Variants in PTPRD observed in about 807,000 individuals in gnomAD.
PTPRD encodes the protein protein tyrosine phosphatase receptor type D.
In PTPRD, 34 loss-of-function variants were observed where a neutral mutation model predicts 214.5. That is an observed-to-expected ratio of 0.16 (90% CI 0.12 to 0.21). The LOEUF is 0.21. Among genes scored for constraint, PTPRD ranks in the 10% least tolerant of loss-of-function variants. The pLI, the probability that PTPRD is intolerant of heterozygous loss-of-function variation, is 1.00. For missense variants in PTPRD, 2,545 were observed against 2,398.7 expected, an observed-to-expected ratio of 1.06 and a Z score of -1.27; for synonymous variants, 1,128 against 845.7, an observed-to-expected ratio of 1.33 and a Z score of -5.79.
chr9:8,671,597 T>A (rs902908090), intron 12 of PTPRD, among the ~76,000 whole-genome samples: 1 of 152,178 alleles, frequency 6.6e-6, no homozygotes, highest in African/African-American at 2.4e-5. Flanking sequence ...AAATATTTTA[T>A]CTGTAGGAAT....
chr9:8,439,157 G>A (rs2095457605), intron 34 of PTPRD, among the ~76,000 whole-genome samples: 3 of 152,164 alleles, frequency 2.0e-5, no homozygotes, highest in Admixed American at 2.0e-4. Flanking sequence ...AGAAAAGGGA[G>A]GAGAATCTGT....
intron 5 of PTPRD, among the ~76,000 whole-genome samples, chr9:9,812,933 G>C (rs934472762): frequency 3.3e-5 from 5 of 152,084 alleles, no homozygotes; most frequent in Non-Finnish European, 7.4e-5. Flanking sequence ...TATCTTAAAA[G>C]ATACTTGTTA....
At chr9:9,095,182 C>T (rs1271910666) in intron 10 of PTPRD, among the ~76,000 whole-genome samples, 1 of 152,032 alleles carries the variant, frequency 6.6e-6, no homozygotes, top group Non-Finnish European at 1.5e-5. Flanking sequence ...AGATTTTCTT[C>T]CTAAAATCAG....
chr9:9,235,573 A>G (rs2099966099), intron 9 of PTPRD, among the ~76,000 whole-genome samples: 2 of 152,114 alleles, frequency 1.3e-5, no homozygotes, highest in East Asian at 1.9e-4. Context: ...GAGAAAAGGT[A>G]TCACCCCATT....
chr9:8,935,424 A>ATTGAAAAC (rs57045844), intron 11 of PTPRD, among the ~76,000 whole-genome samples: 152,132 of 152,316 alleles, frequency 1, 75,975 homozygotes, highest in Middle Eastern at 1. Flanking sequence ...AGATCTGTAC[A>ATTGAAAAC]TAGAAAACAC....
chr9:10,437,287 A>G (rs576139142), intron 2 of PTPRD, among the ~76,000 whole-genome samples: 110 of 151,992 alleles, frequency 7.2e-4, no homozygotes, highest in African/African-American at 2.6e-3. Context: ...ACCAGCTTCA[A>G]AAATGTTACA....
chr9:9,148,285 C>CT (rs1248639918), intron 10 of PTPRD, among the ~76,000 whole-genome samples: 3 of 151,948 alleles, frequency 2.0e-5, no homozygotes, highest in Non-Finnish European at 2.9e-5. Flanking sequence ...ACATGGCAAC[C>CT]TTTTTTTGGA....
At chr9:8,338,825 G>C (rs567775972) in intron 43 of PTPRD, 97 bp downstream of exon 43, 1 of 1,041,848 alleles carries the variant, frequency 9.6e-7, no homozygotes, top group African/African-American at 1.6e-5. Context: ...TGGGACAACA[G>C]TCAAGTGGCA....
chr9:8,685,617 G>C (rs1489478783), intron 12 of PTPRD, among the ~76,000 whole-genome samples: 1 of 152,122 alleles, frequency 6.6e-6, no homozygotes, highest in African/African-American at 2.4e-5. Context: ...TAAATGGCCT[G>C]TTTTAAAACT....
intron 6 of PTPRD, among the ~76,000 whole-genome samples, chr9:9,753,681 A>G (rs985798726): frequency 4.6e-5 from 7 of 152,034 alleles, no homozygotes; most frequent in Non-Finnish European, 8.8e-5. Flanking sequence ...CCTGGAGGTT[A>G]TCAAAGCCTC....
chr9:10,297,058 C>T (rs1389931315), intron 3 of PTPRD, among the ~76,000 whole-genome samples: 3 of 149,096 alleles, frequency 2.0e-5, no homozygotes, highest in Non-Finnish European at 4.4e-5. Context: ...ATCTGAGTTT[C>T]CAGGGAACAT....
rs2099371814 is a variant in PTPRD at position 10,192,609 on chromosome 9, C to G, written c.-545+148354G>C. Among the ~76,000 whole-genome samples, 3 of 152,176 alleles carry G rather than the reference C, an allele frequency of 2.0e-5. No individual in the cohort carries two copies. The South Asian group carries it at 6.2e-4, about 32-fold the overall frequency. On this transcript the variant is annotated intron_variant, in intron 3 of 45. Coordinates refer to ENST00000381196, the MANE Select transcript of PTPRD (RefSeq NM_002839.4). Reference sequence around the variant, plus strand: ...TGCACTATTCAAATGACTGTGCTCTCAAATTGGGTAAGATTTACATAGGAA... The same window carrying G: ...TGCACTATTCAAATGACTGTGCTCTGAAATTGGGTAAGATTTACATAGGAA...
At chr9:9,336,275 G>A (rs1006828856) in intron 9 of PTPRD, among the ~76,000 whole-genome samples, 2 of 152,252 alleles carry the variant, frequency 1.3e-5, no homozygotes, top group East Asian at 1.9e-4. Context: ...ATGTAGAGAT[G>A]TTGGTCATAC....
intron 9 of PTPRD, among the ~76,000 whole-genome samples, chr9:9,228,043 A>T (rs771549127): frequency 1.3e-5 from 2 of 152,138 alleles, no homozygotes; most frequent in African/African-American, 2.4e-5. Context: ...TGTCTATATC[A>T]TGTCAGTTGG....
At chr9:10,140,633 G>T (rs2098977607) in intron 3 of PTPRD, among the ~76,000 whole-genome samples, 1 of 151,954 alleles carries the variant, frequency 6.6e-6, no homozygotes, top group Admixed American at 6.6e-5. Context: ...AAAAGTCCAG[G>T]ACCAGATGGA....
At position 9,995,101 on chromosome 9, in the gene PTPRD, A is replaced by T. The variant is rs1418865141; in HGVS notation, c.-472+38617T>A. Reference sequence around the variant, plus strand: ...TCTAATCTCTTTACTATGTAGAAACATACAATTAAAGGGAAAAATATTATT... The same window carrying T: ...TCTAATCTCTTTACTATGTAGAAACTTACAATTAAAGGGAAAAATATTATT... On this transcript the variant is annotated intron_variant, in intron 4 of 45. Coordinates refer to ENST00000381196, the MANE Select transcript of PTPRD (RefSeq NM_002839.4). Among the ~76,000 whole-genome samples the T allele has an allele frequency of 2.6e-5, 4 of 152,154 alleles. No homozygotes were observed. The East Asian group carries it at 7.7e-4, about 29-fold the overall frequency.
intron 12 of PTPRD, among the ~76,000 whole-genome samples, chr9:8,697,718 C>A (rs1597297016): frequency 6.6e-6 from 1 of 152,060 alleles, no homozygotes; most frequent in East Asian, 1.9e-4. Flanking sequence ...CCACCACGCC[C>A]AGGCCTGGAT....
rs570089248 is a variant in PTPRD at position 10,041,169 on chromosome 9, T to C, written c.-544-7379A>G. Among the ~76,000 whole-genome samples the C allele has an allele frequency of 1.2e-4, 19 of 152,154 alleles. No individual in the cohort carries two copies. In the South Asian group the frequency reaches 3.9e-3, roughly 32 times the overall value. On this transcript the variant is annotated intron_variant, in intron 3 of 45. Transcript: ENST00000381196. ...AGTGAAAGAAAACAGCTTTTAAATA[T>C]AACTATTGTAAATGATATTTTGTTT...
chr9:9,619,065 G>C (rs188864438), intron 7 of PTPRD, among the ~76,000 whole-genome samples: 1 of 152,146 alleles, frequency 6.6e-6, no homozygotes, highest in African/African-American at 2.4e-5. Context: ...TTTTGCTTTA[G>C]CAATGTAGAG....
Sources: gnomAD v4.1 joint callset for allele counts (sites outside exome capture counted in the v4.1 genomes callset) on GRCh38, gnomAD v4.1.1 for gene constraint, MANE v1.5 for transcripts, NCBI Gene and HGNC (gene_info 2026-07-23, HGNC 2026-07-21) for gene names.